Variants in NUP133 observed in about 807,000 individuals in gnomAD.
The protein encoded by NUP133 is nucleoporin 133.
NUP133 carries 66 observed loss-of-function variants against 146.2 expected under a neutral mutation model. That is an observed-to-expected ratio of 0.45 (90% CI 0.37 to 0.55). NUP133 has a LOEUF of 0.55. Among genes scored for constraint, NUP133 ranks in the 20% least tolerant of loss-of-function variants. The pLI is 0.00. For synonymous variants in NUP133, 521 were observed against 498.8 expected (o/e 1.04, Z -0.59); for missense variants, 1,277 against 1,374.8 (o/e 0.93, Z 1.12).
intron 5 of NUP133, among the ~76,000 whole-genome samples, chr1:229,498,545 T>C (rs1405460104): frequency 6.6e-6 from 1 of 152,142 alleles, no homozygotes; most frequent in Non-Finnish European, 1.5e-5. Flanking sequence ...CTCACACCTG[T>C]AATCCAGCAC....
chr1:229,469,350 G>C (rs983065550), intron 15 of NUP133, among the ~76,000 whole-genome samples: 6 of 152,222 alleles, frequency 3.9e-5, no homozygotes, highest in African/African-American at 1.2e-4. Context: ...ACAATGTCCA[G>C]CTGCCACTGG....
Position 229,506,154 on chromosome 1 carries a change from T to A in NUP133, c.187A>T (p.Thr63Ser). ...GRRSSLSSRG[T>S]PTRMFPHHSI... ...TGGTGTGGGAACATTCGTGTTGGTG[T>A]TCCCCTAAAGAAAAGAGTCTATATT... The change falls in exon 2 of 26, where the codon ACA becomes TCA. Residue 63 changes from threonine to serine, a missense_variant. This residue lies in a region of NUP133 where 319 missense variants were observed against 306.9 expected (regional missense o/e 1.04). Transcript: ENST00000261396. The A allele has an allele frequency of 6.3e-7, 1 of 1,592,326 alleles. No individual in the cohort carries two copies. Among genetic ancestry groups the A allele is most frequent in the Non-Finnish European group, 8.6e-7 (1 of 1,161,982 alleles).
chr1:229,488,746 G>T lies in NUP133; in HGVS notation c.1195-1133C>A, dbSNP rs545329531. Reference sequence around the variant, plus strand: ...CACACCTGTAATCCCAGCTACCTGAGAGGACTGCTTGAGACCAGGAGTTGG... The same window carrying T: ...CACACCTGTAATCCCAGCTACCTGATAGGACTGCTTGAGACCAGGAGTTGG... On this transcript the variant is annotated intron_variant, in intron 9 of 25. Transcript: ENST00000261396. Among the ~76,000 whole-genome samples, 20 of 151,986 alleles carry T rather than the reference G, an allele frequency of 1.3e-4. No homozygotes were observed. The South Asian group carries it at 4.2e-3, about 32-fold the overall frequency.
chr1:229,506,252 T>C, intron 1 of NUP133, 94 bp from the exon 2 acceptor site: 1 of 614,972 alleles, frequency 1.6e-6, no homozygotes, highest in African/African-American at 1.8e-5. Context: ...AGGAGTTCTT[T>C]GAAAAAAATT....
At chr1:229,505,288 A>G (rs1661905090) in intron 2 of NUP133, among the ~76,000 whole-genome samples, 1 of 152,160 alleles carries the variant, frequency 6.6e-6, no homozygotes, top group Admixed American at 6.5e-5. Context: ...GTATATTGTT[A>G]TAATTGTTCT....
At position 229,503,168 on chromosome 1, in the gene NUP133, C is replaced by A. The variant is rs1247918604; in HGVS notation, c.302-1066G>T. Among the ~76,000 whole-genome samples, 4 of 152,010 alleles carry A rather than the reference C, an allele frequency of 2.6e-5. No individual in the cohort carries two copies. In the East Asian group the frequency reaches 7.7e-4, roughly 29 times the overall value. ...TGGCGTGCACCTGTAATCCTAGCTA[C>A]TCGGGAGGCTGAGGCAGGAGAATTA... On this transcript the variant is annotated intron_variant, in intron 2 of 25. Coordinates refer to ENST00000261396, the MANE Select transcript of NUP133 (RefSeq NM_018230.3).
At chr1:229,480,852 A>AT (rs5781543) in intron 12 of NUP133, among the ~76,000 whole-genome samples, 8,550 of 125,814 alleles carry the variant, frequency 0.068, 819 homozygotes, top group African/African-American at 0.22. Context: ...ACACCCAGCT[A>AT]TTTTTTTTTT....
chr1:229,445,973 T>C (rs1380509747), intron 24 of NUP133, among the ~76,000 whole-genome samples: 1 of 152,242 alleles, frequency 6.6e-6, no homozygotes. Context: ...TAGCAGTCAA[T>C]TCATGCTTTG....
intron 9 of NUP133, among the ~76,000 whole-genome samples, chr1:229,487,836 T>C (rs1661399651): frequency 6.8e-6 from 1 of 146,650 alleles, no homozygotes; most frequent in Admixed American, 7.0e-5. Flanking sequence ...TTTGCTTTTT[T>C]AATTTTTTTT....
At chr1:229,443,176 T>C (rs572818469) in intron 25 of NUP133, among the ~76,000 whole-genome samples, 36 of 151,504 alleles carry the variant, frequency 2.4e-4, no homozygotes, top group South Asian at 2.1e-3. Context: ...GCAGGGACTA[T>C]AGGCATGCAC....
At chr1:229,452,438 C>T (rs939234613) in intron 22 of NUP133, 87 bp downstream of exon 22, 8 of 936,932 alleles carry the variant, frequency 8.5e-6, no homozygotes, top group South Asian at 2.5e-5. Flanking sequence ...ACAATAACTC[C>T]TCTTAGGAAC....
intron 19 of NUP133, 128 bp from the exon 20 acceptor site, chr1:229,460,897 T>C: frequency 5.6e-6 from 4 of 711,016 alleles, no homozygotes; most frequent in Middle Eastern, 4.0e-4. Context: ...TTTCCTATAT[T>C]GTAGGATCAC....
chr1:229,477,893 TG>T (rs1202919323), intron 12 of NUP133, 133 bp from the exon 13 acceptor site: 11 of 619,754 alleles, frequency 1.8e-5, no homozygotes, highest in African/African-American at 1.7e-4. Context: ...ACAGTAGGGA[TG>T]GAACTGGAGG....
At chr1:229,490,352 T>C (rs757623161) in intron 8 of NUP133, among the ~76,000 whole-genome samples, 4 of 145,888 alleles carry the variant, frequency 2.7e-5, no homozygotes, top group Admixed American at 1.4e-4. Flanking sequence ...AAGTGCTGAA[T>C]AGATAAACAA....
chr1:229,499,741 T>A lies in NUP133; in HGVS notation c.591A>T (p.Thr197=), dbSNP rs535617150. The stretch of plus-strand genomic sequence containing the variant: ...CACCTCCCGAATCTACAAAAGCCTC[T>A]GTGTAGGTATCTTCACCAGCAAGGC... ...WPSLAGEDTY[T]EAFVDSGGDK... is the part of the protein sequence containing the mutation. Residue 197 remains threonine (T), a synonymous_variant, in exon 5 of 26, where the codon ACA becomes ACT. Transcript: ENST00000261396. The A allele has an allele frequency of 6.2e-7, 1 of 1,614,136 alleles. No homozygotes were observed. The highest frequency in any genetic ancestry group is 2.2e-5 in the East Asian group (1 of 44,888).
chr1:229,504,016 A>G (rs528764694), intron 2 of NUP133, among the ~76,000 whole-genome samples: 37 of 152,284 alleles, frequency 2.4e-4, no homozygotes, highest in African/African-American at 7.7e-4. Flanking sequence ...AAACAGAACA[A>G]TGTATAGAAA....
intron 19 of NUP133, among the ~76,000 whole-genome samples, chr1:229,462,786 A>G (rs1231294087): frequency 1.3e-5 from 2 of 152,076 alleles, no homozygotes; most frequent in African/African-American, 4.8e-5. Context: ...TCCTGGCCTC[A>G]AGTGATCCTA....
chr1:229,491,536 T>C (rs1478924440), intron 8 of NUP133, among the ~76,000 whole-genome samples: 2 of 152,174 alleles, frequency 1.3e-5, no homozygotes, highest in Non-Finnish European at 2.9e-5. Flanking sequence ...CCCAGCACTT[T>C]GGGAGGCCGA....
chr1:229,470,837 G>C (rs1365924444), intron 14 of NUP133, 33 bp from the exon 15 acceptor site: 1 of 1,589,254 alleles, frequency 6.3e-7, no homozygotes, highest in Non-Finnish European at 8.6e-7. Context: ...TTCTCAGAAA[G>C]CAATTATGGT....
Sources: gnomAD v4.1 joint callset for allele counts (sites outside exome capture counted in the v4.1 genomes callset) on GRCh38, gnomAD v4.1.1 for gene constraint, gnomAD v4.1.1 regional missense constraint, MANE v1.5 for transcripts, NCBI Gene and HGNC (gene_info 2026-07-23, HGNC 2026-07-21) for gene names.